The following PLEKHA7 variants were observed in gnomAD, a reference collection of about 807,000 sequenced individuals.
The protein encoded by PLEKHA7 is pleckstrin homology domain-containing family A member 7.
In PLEKHA7, 104 loss-of-function variants were observed where a neutral mutation model predicts 170.0. That is an observed-to-expected ratio of 0.61 (90% CI 0.52 to 0.72). The LOEUF (loss-of-function observed/expected upper bound fraction) is 0.72, where lower values mean the gene tolerates loss of function less well. Among genes scored for constraint, PLEKHA7 ranks in the 30% least tolerant of loss-of-function variants. The pLI is 0.00. For missense variants in PLEKHA7, 1,615 were observed against 1,671.7 expected (o/e 0.97, Z 0.59); for synonymous variants, 648 against 660.8 (o/e 0.98, Z 0.30).
At chr11:16,973,748 TC>T (rs1405169928) in intron 3 of PLEKHA7, among the ~76,000 whole-genome samples, 1 of 152,044 alleles carries the variant, frequency 6.6e-6, no homozygotes, top group African/African-American at 2.4e-5. Flanking sequence ...GTCCATGCCC[TC>T]CCCTGTCACC....
chr11:16,782,607 G>C, intron 26 of PLEKHA7, 147 bp downstream of exon 26: 1 of 1,013,504 alleles, frequency 9.9e-7, no homozygotes, highest in Non-Finnish European at 1.4e-6. Context: ...ACAGGATGCC[G>C]AGTGGTCAGG....
rs193242191 is a variant in PLEKHA7 at position 16,994,038 on chromosome 11, C to T, written c.221+19951G>A. 7.2e-5 allele frequency among the ~76,000 whole-genome samples: 11 copies of T among 152,334 alleles called. No homozygotes were observed. The East Asian group carries it at 2.1e-3, about 29-fold the overall frequency. ...AAAGTAGATGTTTCCTCAAAGTCCT[C>T]TTCAACTGGGGACGATACACACATC... On this transcript the variant is annotated intron_variant, in intron 3 of 26. Coordinates refer to ENST00000531066, the MANE Select transcript of PLEKHA7 (RefSeq NM_001329630.2).
At chr11:16,930,298 T>C (rs961457375) in intron 3 of PLEKHA7, among the ~76,000 whole-genome samples, 6 of 151,848 alleles carry the variant, frequency 4.0e-5, no homozygotes, top group African/African-American at 2.4e-5. Context: ...ACAGTATAGG[T>C]AGATGGGCAT....
intron 3 of PLEKHA7, among the ~76,000 whole-genome samples, chr11:16,873,735 C>T (rs149714800): frequency 0.013 from 1,969 of 152,272 alleles, 38 homozygotes; most frequent in African/African-American, 0.043. Flanking sequence ...GGCGTGATCT[C>T]GGCTCACTGC....
intron 3 of PLEKHA7, among the ~76,000 whole-genome samples, chr11:16,986,027 T>C (rs999880647): frequency 4.6e-5 from 7 of 152,168 alleles, no homozygotes; most frequent in African/African-American, 1.7e-4. Flanking sequence ...GCATAGGAAT[T>C]ACCTGGATGG....
At chr11:16,838,820 G>A (rs1851734472) in intron 9 of PLEKHA7, among the ~76,000 whole-genome samples, 1 of 150,610 alleles carries the variant, frequency 6.6e-6, no homozygotes, top group Non-Finnish European at 1.5e-5. Context: ...CCGAGTAGCT[G>A]GGACTACAGG....
Position 16,786,284 on chromosome 11 carries a change from G to A in PLEKHA7, c.3461C>T (p.Pro1154Leu), listed in dbSNP as rs897797844. 1 of 1,536,144 alleles carries A rather than the reference G, an allele frequency of 6.5e-7. No individual in the cohort carries two copies. Among genetic ancestry groups the A allele is most frequent in the Non-Finnish European group, 8.7e-7 (1 of 1,146,904 alleles). ...AGGCTCCAGGTCCAACTCAGTGACA[G>A]GCATGGCCTGCACTTTCAACCAGCC... ...ENGWLKVQAM[P>L]VTELDLEPQD... The change falls in exon 24 of 27, where the codon CCT becomes CTT. Residue 1154 changes from proline to leucine, a missense_variant. Transcript: ENST00000531066.
intron 3 of PLEKHA7, among the ~76,000 whole-genome samples, chr11:16,960,896 C>T (rs2136611069): frequency 6.6e-6 from 1 of 152,198 alleles, no homozygotes; most frequent in East Asian, 1.9e-4. Flanking sequence ...GCAGCTCTCA[C>T]TCCAGTTACC....
At chr11:16,996,538 A>T (rs1238675794) in intron 3 of PLEKHA7, among the ~76,000 whole-genome samples, 6 of 152,200 alleles carry the variant, frequency 3.9e-5, no homozygotes, top group African/African-American at 1.4e-4. Context: ...CAGGGATGGG[A>T]GAGCCGGGAA....
intron 13 of PLEKHA7, among the ~76,000 whole-genome samples, chr11:16,812,028 T>C (rs1207657934): frequency 6.6e-6 from 1 of 152,204 alleles, no homozygotes; most frequent in Non-Finnish European, 1.5e-5. Context: ...GATCTTTGTC[T>C]AGTCATTGTA....
chr11:16,898,361 T>C (rs1857124647), intron 3 of PLEKHA7, among the ~76,000 whole-genome samples: 1 of 152,208 alleles, frequency 6.6e-6, no homozygotes, highest in South Asian at 2.1e-4. Context: ...TAAAGTATTT[T>C]CAATAAACTG....
chr11:17,012,967 C>A (rs1431399677), intron 3 of PLEKHA7: 1 of 151,974 alleles, frequency 6.6e-6, no homozygotes, highest in Non-Finnish European at 1.5e-5. Flanking sequence ...CTGCTTTATT[C>A]CTAACAGTAG....
chr11:16,780,949 G>A lies in PLEKHA7; in HGVS notation c.3793+1805C>T, dbSNP rs184056033. Reference sequence around the variant, plus strand: ...CCAGACAGGGGCTCTTACTTGGAAGGTGTTAGACAAAGGTGTAGTGGAGTC... The same window carrying A: ...CCAGACAGGGGCTCTTACTTGGAAGATGTTAGACAAAGGTGTAGTGGAGTC... On this transcript the variant is annotated intron_variant, in intron 26 of 26. Coordinates refer to ENST00000531066, the MANE Select transcript of PLEKHA7 (RefSeq NM_001329630.2). 1.1e-4 allele frequency: 108 copies of A among 981,108 alleles called. No homozygotes were observed. In the Admixed American group the frequency reaches 5.7e-3, roughly 52 times the overall value. The allele number at this position is 981,108 out of a possible 1,614,324, so 60.8% of individuals were successfully genotyped here.
At chr11:16,994,984 T>C (rs1361445545) in intron 3 of PLEKHA7, among the ~76,000 whole-genome samples, 1 of 152,218 alleles carries the variant, frequency 6.6e-6, no homozygotes, top group Non-Finnish European at 1.5e-5. Context: ...TCTACAGCAG[T>C]GAACACAACA....
At chr11:16,919,573 G>A (rs1858936258) in intron 3 of PLEKHA7, among the ~76,000 whole-genome samples, 2 of 151,886 alleles carry the variant, frequency 1.3e-5, no homozygotes, top group Admixed American at 1.3e-4. Flanking sequence ...TTCTTGGGGG[G>A]CTGAGTCAGG....
chr11:16,780,479 C>T (rs1289814896), intron 26 of PLEKHA7, among the ~76,000 whole-genome samples: 4 of 152,260 alleles, frequency 2.6e-5, no homozygotes, highest in Admixed American at 6.5e-5. Flanking sequence ...TGAGCCCCAG[C>T]CCCTCACTGG....
chr11:16,940,454 AT>A (rs1158394000), intron 3 of PLEKHA7, among the ~76,000 whole-genome samples: 2 of 151,572 alleles, frequency 1.3e-5, no homozygotes, highest in East Asian at 1.9e-4. Context: ...TGCCTGGCTA[AT>A]TTTTTTGTAT....
chr11:16,780,991 G>A (rs1457544589), intron 26 of PLEKHA7: 8 of 986,078 alleles, frequency 8.1e-6, no homozygotes, highest in Non-Finnish European at 9.6e-6. Context: ...TAAAAGGGGG[G>A]TAAGGTGGCA....
At chr11:16,787,079 G>T in intron 23 of PLEKHA7, 2 of 985,416 alleles carry the variant, frequency 2.0e-6, no homozygotes, top group South Asian at 9.4e-5. Flanking sequence ...TATCAACTTT[G>T]TAACAAGCTT....
Sources: gnomAD v4.1 joint callset for allele counts (sites outside exome capture counted in the v4.1 genomes callset) on GRCh38, gnomAD v4.1.1 for gene constraint, MANE v1.5 for transcripts, NCBI Gene and HGNC (gene_info 2026-07-23, HGNC 2026-07-21) for gene names.